Variants in FGF14 observed in about 807,000 individuals in gnomAD.
FGF14 encodes the protein fibroblast growth factor 14.
Under a neutral mutation model 25.5 loss-of-function variants are expected in FGF14, and 5 were observed. That is an observed-to-expected ratio of 0.20 (90% CI 0.10 to 0.41). The LOEUF (loss-of-function observed/expected upper bound fraction) is 0.41, where lower values mean the gene tolerates loss of function less well. FGF14 is among the 10% of genes least tolerant of loss of function. The pLI is 1.00. For missense variants in FGF14, 222 were observed against 320.1 expected, an observed-to-expected ratio of 0.69 and a Z score of 2.34; for synonymous variants, 138 against 118.3, an observed-to-expected ratio of 1.17 and a Z score of -1.08.
chr13:101,783,596 A>T (rs529618660), intron 3 of FGF14, among the ~76,000 whole-genome samples: 21 of 151,866 alleles, frequency 1.4e-4, no homozygotes, highest in African/African-American at 5.1e-4. Context: ...TGTATAGTTT[A>T]CAAAAATTAT....
intron 1 of FGF14, among the ~76,000 whole-genome samples, chr13:102,035,134 C>G (rs1926014): frequency 0.45 from 67,868 of 151,804 alleles, 15,711 homozygotes; most frequent in East Asian, 0.73. Flanking sequence ...TCAGACACTG[C>G]TCACCTTCTA....
At chr13:101,970,448 T>TC (rs1489403687) in intron 1 of FGF14, among the ~76,000 whole-genome samples, 1 of 152,192 alleles carries the variant, frequency 6.6e-6, no homozygotes, top group Non-Finnish European at 1.5e-5. Flanking sequence ...AATATTCAGA[T>TC]CCTGGGATCT....
chr13:102,346,561 T>C (rs1010791286), intron 1 of FGF14, among the ~76,000 whole-genome samples: 6 of 152,050 alleles, frequency 3.9e-5, no homozygotes, highest in Admixed American at 1.3e-4. Context: ...CAGAGCCATA[T>C]ATATTTATAT....
At chr13:102,182,946 G>A (rs912616732) in intron 1 of FGF14, among the ~76,000 whole-genome samples, 5 of 152,158 alleles carry the variant, frequency 3.3e-5, no homozygotes, top group Admixed American at 2.6e-4. Flanking sequence ...AGTGTAGTTG[G>A]GACAGCAAGT....
At chr13:101,769,399 T>TA (rs1025432680) in intron 3 of FGF14, among the ~76,000 whole-genome samples, 1 of 152,106 alleles carries the variant, frequency 6.6e-6, no homozygotes, top group African/African-American at 2.4e-5. Flanking sequence ...TTTGATGGTT[T>TA]CTCATAACAA....
rs1006851436 is a variant in FGF14 at position 101,722,313 on chromosome 13, A to G, written c.*518T>C. The G allele has an allele frequency of 2.3e-5, 4 of 175,016 alleles. No individual in the cohort carries two copies. Among genetic ancestry groups the G allele is most frequent in the African/African-American group, 9.6e-5 (4 of 41,734 alleles). 10.8% of individuals were successfully genotyped at this position (175,016 alleles called of 1,614,324 possible). A position where few individuals can be genotyped will look rare whatever the true frequency, so the allele number is the denominator to read the frequency against. ...AACTGCAACATTTAAGATTTAGAGGAACAAAATCCCTGCAAAAGGTCACAG... is the reference window on the plus strand; with the variant it reads ...AACTGCAACATTTAAGATTTAGAGGGACAAAATCCCTGCAAAAGGTCACAG... On this transcript the variant is annotated 3_prime_UTR_variant, in exon 5 of 5. Coordinates refer to ENST00000376143, the MANE Select transcript of FGF14 (RefSeq NM_004115.4).
intron 3 of FGF14, among the ~76,000 whole-genome samples, chr13:101,736,229 T>C (rs1014471191): frequency 3.9e-5 from 6 of 152,166 alleles, no homozygotes; most frequent in Non-Finnish European, 8.8e-5. Flanking sequence ...TAAGTGTATA[T>C]ATACATAACT....
At chr13:102,024,362 C>T (rs1023945578) in intron 1 of FGF14, among the ~76,000 whole-genome samples, 1 of 152,006 alleles carries the variant, frequency 6.6e-6, no homozygotes, top group African/African-American at 2.4e-5. Flanking sequence ...ATTTGCATTT[C>T]CATAATGACT....
At chr13:102,358,828 G>T (rs898548081) in intron 1 of FGF14, among the ~76,000 whole-genome samples, 1 of 152,144 alleles carries the variant, frequency 6.6e-6, no homozygotes, top group African/African-American at 2.4e-5. Flanking sequence ...TCATTAGTCA[G>T]ATTCAGATAA....
chr13:101,746,378 TCA>T (rs2036890983), intron 3 of FGF14, among the ~76,000 whole-genome samples: 1 of 152,032 alleles, frequency 6.6e-6, no homozygotes, highest in African/African-American at 2.4e-5. Context: ...TATCTTGTTC[TCA>T]GTCTCAATTC....
chr13:102,179,517 CATAAT>C (rs1195528772), intron 1 of FGF14, among the ~76,000 whole-genome samples: 1 of 152,102 alleles, frequency 6.6e-6, no homozygotes, highest in African/African-American at 2.4e-5. Flanking sequence ...CACCAATACT[CATAAT>C]AAACAAACAG....
chr13:102,061,918 ACT>A (rs1324781303), intron 1 of FGF14, among the ~76,000 whole-genome samples: 22 of 152,084 alleles, frequency 1.4e-4, no homozygotes, highest in African/African-American at 5.1e-4. Context: ...GCATCTGAGA[ACT>A]CTCTAGCCAC....
chr13:101,913,345 C>G (rs576084512), intron 1 of FGF14, among the ~76,000 whole-genome samples: 1 of 152,124 alleles, frequency 6.6e-6, no homozygotes, highest in Non-Finnish European at 1.5e-5. Flanking sequence ...CCATTAATAG[C>G]CATCTTGCAA....
intron 3 of FGF14, among the ~76,000 whole-genome samples, chr13:101,814,080 T>C (rs2041712030): frequency 6.6e-6 from 1 of 152,232 alleles, no homozygotes. Flanking sequence ...AAGTTATTCT[T>C]ACAGGCTCAG....
chr13:101,730,054 T>C (rs1034565168), intron 3 of FGF14, among the ~76,000 whole-genome samples: 1 of 152,168 alleles, frequency 6.6e-6, no homozygotes, highest in Non-Finnish European at 1.5e-5. Context: ...GATGGGAAGA[T>C]AGGTTTGAGA....
chr13:102,100,706 T>C (rs904855407), intron 1 of FGF14, among the ~76,000 whole-genome samples: 1 of 152,240 alleles, frequency 6.6e-6, no homozygotes, highest in Non-Finnish European at 1.5e-5. Flanking sequence ...GGAGCCACTA[T>C]ACTGGATACC....
intron 1 of FGF14, among the ~76,000 whole-genome samples, chr13:101,968,654 C>A (rs536622243): frequency 1.6e-5 from 2 of 127,134 alleles, no homozygotes; most frequent in East Asian, 2.6e-4. Context: ...GCCTGGGCGA[C>A]AGAGCGAGAC....
intron 1 of FGF14, among the ~76,000 whole-genome samples, chr13:102,218,951 T>G (rs530283297): frequency 6.6e-6 from 1 of 152,302 alleles, no homozygotes; most frequent in South Asian, 2.1e-4. Flanking sequence ...TATGGGTACA[T>G]AGTAGGTGTA....
chr13:102,321,498 A>G lies in FGF14; in HGVS notation c.208+79973T>C, dbSNP rs374627285. 1.7e-3 allele frequency among the ~76,000 whole-genome samples: 252 copies of G among 152,304 alleles called. 2 individuals are homozygous for G. Among genetic ancestry groups the G allele is most frequent in the African/African-American group, 5.6e-3 (232 of 41,566 alleles). ...TATAAACACAAATTTTCATTTATCCATATATTTTAAATTGCTAATTATTGG... is the reference window on the plus strand; with the variant it reads ...TATAAACACAAATTTTCATTTATCCGTATATTTTAAATTGCTAATTATTGG... On this transcript the variant is annotated intron_variant, in intron 1 of 4. Transcript: ENST00000376131.
Sources: allele counts gnomAD v4.1 joint callset (sites outside exome capture counted in the v4.1 genomes callset), GRCh38; gene constraint gnomAD v4.1.1; transcripts MANE v1.5; gene names NCBI Gene and HGNC (gene_info 2026-07-23, HGNC 2026-07-21).